Variants in CCDC149 observed in about 807,000 individuals in gnomAD.
CCDC149 encodes the protein coiled-coil domain-containing protein 149.
In CCDC149, 45 loss-of-function variants were observed where a neutral mutation model predicts 59.9. The observed-to-expected ratio is 0.75, with a 90% CI of 0.59 to 0.96. The LOEUF (loss-of-function observed/expected upper bound fraction) is 0.96. Among genes scored for constraint, CCDC149 ranks in the 40% least tolerant of loss-of-function variants. The pLI, the probability that CCDC149 is intolerant of heterozygous loss-of-function variation, is 0.00. For missense variants in CCDC149, 584 were observed against 664.7 expected, an observed-to-expected ratio of 0.88 and a Z score of 1.33; for synonymous variants, 245 against 260.6, an observed-to-expected ratio of 0.94 and a Z score of 0.58.
intron 1 of CCDC149, among the ~76,000 whole-genome samples, chr4:24,965,486 A>ATTTT (rs1475404153): frequency 0.018 from 2,744 of 149,372 alleles, 90 homozygotes; most frequent in African/African-American, 0.053. Context: ...TTAACGACAG[A>ATTTT]AAAATCTCTG....
rs529418082 is a variant in CCDC149 at position 24,893,079 on chromosome 4, T to C, written c.64-16382A>G. 3.3e-5 allele frequency among the ~76,000 whole-genome samples: 5 copies of C among 152,316 alleles called. No individual in the cohort carries two copies. In the South Asian group the frequency reaches 8.3e-4, roughly 25 times the overall value. ...CTTCCTGACCTAATGACCTCTTGAATGTGCCATTTAGTAACACTGTCACGA... is the reference window on the plus strand; with the variant it reads ...CTTCCTGACCTAATGACCTCTTGAACGTGCCATTTAGTAACACTGTCACGA... On this transcript the variant is annotated intron_variant, in intron 1 of 12. Coordinates refer to ENST00000635206, the MANE Select transcript of CCDC149 (RefSeq NM_001330643.2).
chr4:24,895,942 T>C (rs763658188), intron 1 of CCDC149, among the ~76,000 whole-genome samples: 1 of 152,168 alleles, frequency 6.6e-6, no homozygotes, highest in Non-Finnish European at 1.5e-5. Flanking sequence ...CAGCTCACAT[T>C]CTTGGGTTTA....
chr4:24,852,983 GC>G, intron 4 of CCDC149, 88 bp downstream of exon 4: 1 of 818,336 alleles, frequency 1.2e-6, no homozygotes, highest in Non-Finnish European at 2.0e-6. Flanking sequence ...TTCAACAAAT[GC>G]TGCATTACAT....
chr4:24,913,176 A>G (rs373613983), upstream of CCDC149, among the ~76,000 whole-genome samples: 13 of 151,992 alleles, frequency 8.6e-5, no homozygotes, highest in East Asian at 1.8e-3. Flanking sequence ...CCCGGCCTCT[A>G]GGCAAGGGGA....
At chr4:24,864,918 G>A (rs1718605395) in intron 3 of CCDC149, among the ~76,000 whole-genome samples, 2 of 152,190 alleles carry the variant, frequency 1.3e-5, no homozygotes, top group Non-Finnish European at 2.9e-5. Context: ...AGGGCTGACT[G>A]GGGAACTTGA....
At chr4:24,905,710 AC>A (rs997455519) in intron 1 of CCDC149, among the ~76,000 whole-genome samples, 1 of 152,236 alleles carries the variant, frequency 6.6e-6, no homozygotes, top group Non-Finnish European at 1.5e-5. Flanking sequence ...TGCTGGCATT[AC>A]AGGCGTGAGC....
At chr4:24,874,265 G>GTTTTTTTTT (rs1165718179) in intron 2 of CCDC149, among the ~76,000 whole-genome samples, 1 of 31,910 alleles carries the variant, frequency 3.1e-5, no homozygotes, top group African/African-American at 7.8e-5. Flanking sequence ...TTTTTGTTTT[G>GTTTTTTTTT]TTTTTTTTTG....
chr4:24,915,592 G>A (rs751187322), upstream of CCDC149, among the ~76,000 whole-genome samples: 1 of 152,190 alleles, frequency 6.6e-6, no homozygotes, highest in African/African-American at 2.4e-5. Context: ...AAGTCAGACA[G>A]TTATTACGGT....
chr4:24,914,536 C>T (rs1287236798), upstream of CCDC149, among the ~76,000 whole-genome samples: 1 of 152,142 alleles, frequency 6.6e-6, no homozygotes, highest in African/African-American at 2.4e-5. Flanking sequence ...CAACCATCAC[C>T]AGATGTGTGA....
intron 4 of CCDC149, among the ~76,000 whole-genome samples, chr4:24,846,815 G>A (rs1307830532): frequency 1.3e-5 from 2 of 152,152 alleles, no homozygotes; most frequent in Non-Finnish European, 2.9e-5. Context: ...GTGTGACATT[G>A]GTAGGAGCAT....
chr4:24,921,948 A>C (rs1196333708), intron 1 of CCDC149, among the ~76,000 whole-genome samples: 1 of 152,144 alleles, frequency 6.6e-6, no homozygotes, highest in Non-Finnish European at 1.5e-5. Context: ...TATTGTCTCA[A>C]AGTTCTGGAG....
At chr4:24,860,247 C>T (rs1718290392) in intron 3 of CCDC149, among the ~76,000 whole-genome samples, 1 of 152,134 alleles carries the variant, frequency 6.6e-6, no homozygotes, top group African/African-American at 2.4e-5. Flanking sequence ...AAAACAGCAA[C>T]ATAGATCAAT....
chr4:24,958,607 C>A (rs1430822821), intron 1 of CCDC149, among the ~76,000 whole-genome samples: 1 of 152,162 alleles, frequency 6.6e-6, no homozygotes, highest in African/African-American at 2.4e-5. Flanking sequence ...TCAACTCTAA[C>A]TTCCAGAGAT....
At chr4:24,916,007 C>T (rs1722111131), upstream of CCDC149, among the ~76,000 whole-genome samples, 1 of 152,168 alleles carries the variant, frequency 6.6e-6, no homozygotes, top group Non-Finnish European at 1.5e-5. Flanking sequence ...CACCAACTAT[C>T]TTTATCCCTG....
At chr4:24,962,138 A>C (rs1723650858) in intron 1 of CCDC149, among the ~76,000 whole-genome samples, 1 of 152,118 alleles carries the variant, frequency 6.6e-6, no homozygotes, top group Admixed American at 6.5e-5. Flanking sequence ...ACCCCATCAA[A>C]AAGTGGGCAA....
intron 1 of CCDC149, among the ~76,000 whole-genome samples, chr4:24,931,295 GTTTA>G (rs1722578553): frequency 7.7e-6 from 1 of 130,136 alleles, no homozygotes; most frequent in Non-Finnish European, 1.6e-5. Context: ...ATTTATATAT[GTTTA>G]TTTATTTTAA....
At chr4:24,964,441 G>A (rs954864463) in intron 1 of CCDC149, among the ~76,000 whole-genome samples, 5 of 152,240 alleles carry the variant, frequency 3.3e-5, no homozygotes, top group Admixed American at 1.3e-4. Flanking sequence ...AAAATCTGTA[G>A]AAAATTCCTC....
rs774850176 is a variant in CCDC149, at chr4:24,837,183, G to C, written c.662+45C>G. 35 of 1,588,960 alleles carry C rather than the reference G, an allele frequency of 2.2e-5. No homozygotes were observed. The Admixed American group carries it at 5.7e-4, about 26-fold the overall frequency. On this transcript the variant is annotated intron_variant, in intron 6 of 12. Transcript: ENST00000635206. The surrounding 1 kb of genome is among the most constrained non-coding windows in gnomAD (Gnocchi z 4.3). ...AACTCCCAGCCTGCAGGCCTGTGCA[G>C]AGCCAGCCTTCCTCCCACGCACAGG...
chr4:24,931,825 G>GTATATATATATA (rs1553862475), intron 1 of CCDC149, among the ~76,000 whole-genome samples: 2 of 70,442 alleles, frequency 2.8e-5, no homozygotes, highest in South Asian at 9.7e-4. Context: ...TGTATGGAGA[G>GTATATATATATA]TATGTATATA....
Sources: allele counts gnomAD v4.1 joint callset (sites outside exome capture counted in the v4.1 genomes callset), GRCh38; gene constraint gnomAD v4.1.1; non-coding constraint Gnocchi (gnomAD v3.1); transcripts MANE v1.5; gene names NCBI Gene and HGNC (gene_info 2026-07-23, HGNC 2026-07-21).